Variants in SP110 observed in about 807,000 individuals in gnomAD.
The protein encoded by SP110 is SP110 nuclear body protein.
SP110 carries 62 observed loss-of-function variants against 92.7 expected under a neutral mutation model. The ratio of observed to expected loss-of-function variants is 0.67; its 90% CI spans 0.55 to 0.83. The LOEUF (loss-of-function observed/expected upper bound fraction) is 0.83. SP110 is among the 40% of genes least tolerant of loss of function. SP110 has a pLI of 0.00. For missense variants in SP110, 793 were observed against 863.9 expected, an observed-to-expected ratio of 0.92 and a Z score of 1.03; for synonymous variants, 273 against 305.3, an observed-to-expected ratio of 0.89 and a Z score of 1.10.
chr2:230,200,011 A>G (rs999668675), intron 10 of SP110, among the ~76,000 whole-genome samples: 5 of 152,210 alleles, frequency 3.3e-5, no homozygotes, highest in African/African-American at 7.2e-5. Context: ...AAATTGGAAT[A>G]GGTCATTCAA....
chr2:230,223,427 C>T (rs1435694804), upstream of SP110, among the ~76,000 whole-genome samples: 1 of 152,188 alleles, frequency 6.6e-6, no homozygotes. Flanking sequence ...CCTGCCTGGA[C>T]TGCCTACTTT....
At position 230,207,875 on chromosome 2, in the gene SP110, T is replaced by A. The variant is rs2044043159; in HGVS notation, c.898+116A>T. 4.4e-6 allele frequency: 3 copies of A among 685,364 alleles called. No homozygotes were observed. In the Admixed American group the frequency reaches 7.3e-5, roughly 17 times the overall value. 42.5% of individuals were successfully genotyped at this position (685,364 alleles called of 1,614,324 possible). ...ACATTGTGTCACTTCACTGACTAAA[T>A]CTCTTCAATGGCTTCCCATTGCATT... On this transcript the variant is annotated intron_variant, in intron 8 of 18. Transcript: ENST00000258381.
intron 10 of SP110, among the ~76,000 whole-genome samples, chr2:230,193,013 T>A (rs2042705510): frequency 6.6e-6 from 1 of 152,324 alleles, no homozygotes; most frequent in South Asian, 2.1e-4. Context: ...GTAGTAAATG[T>A]CTTATGAATC....
chr2:230,196,344 C>A (rs1047207274), intron 10 of SP110, among the ~76,000 whole-genome samples: 1 of 151,832 alleles, frequency 6.6e-6, no homozygotes, highest in Non-Finnish European at 1.5e-5. Context: ...GTGAATCATA[C>A]GTAACGTGCC....
At chr2:230,190,755 A>G (rs1047487148) in intron 10 of SP110, among the ~76,000 whole-genome samples, 2 of 152,186 alleles carry the variant, frequency 1.3e-5, no homozygotes, top group African/African-American at 4.8e-5. Context: ...GAAGGGGTCC[A>G]GTTTCAGTTT....
Position 230,171,679 on chromosome 2 carries a change from C to A in SP110, c.1887+17G>T. 2 of 1,599,462 alleles carry A rather than the reference C, an allele frequency of 1.3e-6. No individual in the cohort carries two copies. The highest frequency in any genetic ancestry group is 2.2e-5 in the South Asian group (2 of 90,782). On this transcript the variant is annotated intron_variant, in intron 17 of 18. Coordinates refer to ENST00000258381, the MANE Select transcript of SP110 (RefSeq NM_080424.4). ...CCAAATGCATTTTATGCAAGAGAAC[C>A]GTAAAATGTGACTTACATTAAATGG...
intron 8 of SP110, among the ~76,000 whole-genome samples, chr2:230,204,161 T>C (rs2043494981): frequency 6.6e-6 from 1 of 152,256 alleles, no homozygotes; most frequent in Non-Finnish European, 1.5e-5. Context: ...GACTGGAGTC[T>C]ACTCCTTTCG....
At chr2:230,217,004 G>A in intron 1 of SP110, 76 bp from the exon 2 acceptor site, 5 of 1,275,920 alleles carry the variant, frequency 3.9e-6, no homozygotes, top group Non-Finnish European at 5.5e-6. Flanking sequence ...CCGGCACTTT[G>A]GGAGGCCGAG....
intron 8 of SP110, among the ~76,000 whole-genome samples, chr2:230,206,306 T>C (rs2043793051): frequency 6.6e-6 from 1 of 152,024 alleles, no homozygotes; most frequent in African/African-American, 2.4e-5. Context: ...AGTGATTCTT[T>C]GTGACCAAAC....
chr2:230,172,969 C>G lies in SP110; in HGVS notation c.1591-10G>C, dbSNP rs201856437. On this transcript the variant is annotated splice_polypyrimidine_tract_variant and intron_variant, in intron 14 of 18. Transcript: ENST00000258381. ...CATCCGAGTTTTTCCGCTGCAAGGGCAGATAACGTGGGCACCGCTAGGACC... is the reference window on the plus strand; with the variant it reads ...CATCCGAGTTTTTCCGCTGCAAGGGGAGATAACGTGGGCACCGCTAGGACC... The G allele has an allele frequency of 6.9e-6, 11 of 1,584,388 alleles. No homozygotes were observed. The highest frequency in any genetic ancestry group is 1.7e-4 in the Middle Eastern group (1 of 5,998).
intron 12 of SP110, among the ~76,000 whole-genome samples, chr2:230,178,936 C>A (rs146547844): frequency 3.9e-5 from 6 of 152,280 alleles, no homozygotes; most frequent in African/African-American, 1.4e-4. Flanking sequence ...CCTCCAACCT[C>A]ACTATGGGTG....
At chr2:230,222,695 C>CA (rs34703280), upstream of SP110, among the ~76,000 whole-genome samples, 2,489 of 124,090 alleles carry the variant, frequency 0.02, 49 homozygotes, top group African/African-American at 0.054. Flanking sequence ...GACCCTGTCT[C>CA]AAAAAAAAAA....
intron 13 of SP110, 80 bp from the exon 14 acceptor site, chr2:230,177,760 T>C (rs1239669108): frequency 2.7e-5 from 39 of 1,469,134 alleles, no homozygotes; most frequent in Non-Finnish European, 3.7e-5. Context: ...AATTGTGGCC[T>C]TCTACCTTTC....
intron 10 of SP110, among the ~76,000 whole-genome samples, chr2:230,190,312 G>A (rs968942817): frequency 2.0e-5 from 3 of 151,366 alleles, no homozygotes; most frequent in African/African-American, 7.3e-5. Flanking sequence ...CAGTGATGTT[G>A]AGCGTTTTTC....
chr2:230,214,706 T>C (rs1487651974), intron 3 of SP110, among the ~76,000 whole-genome samples: 2 of 152,156 alleles, frequency 1.3e-5, no homozygotes, highest in African/African-American at 4.8e-5. Context: ...AATTGTATGA[T>C]TTTTTTCCAA....
At chr2:230,194,392 G>A (rs915849809) in intron 10 of SP110, among the ~76,000 whole-genome samples, 1 of 151,894 alleles carries the variant, frequency 6.6e-6, no homozygotes, top group Non-Finnish European at 1.5e-5. Context: ...TTGAGGCCAG[G>A]ATTTCAAGAC....
At chr2:230,205,500 T>C (rs1362411891) in intron 8 of SP110, among the ~76,000 whole-genome samples, 2 of 152,212 alleles carry the variant, frequency 1.3e-5, no homozygotes, top group Non-Finnish European at 2.9e-5. Flanking sequence ...ATCTTGTTTA[T>C]GTGCTTTCTA....
At chr2:230,187,729 C>A (rs1463716028) in intron 10 of SP110, among the ~76,000 whole-genome samples, 1 of 152,100 alleles carries the variant, frequency 6.6e-6, no homozygotes, top group East Asian at 1.9e-4. Flanking sequence ...GTTTTCCCAG[C>A]ACCATTTATT....
upstream of SP110, among the ~76,000 whole-genome samples, chr2:230,224,638 A>T (rs545506489): frequency 6.6e-6 from 1 of 152,304 alleles, no homozygotes; most frequent in African/African-American, 2.4e-5. Context: ...AGAAGTGTGG[A>T]AGGGGTAGAA....
Sources: gnomAD v4.1 joint callset for allele counts (sites outside exome capture counted in the v4.1 genomes callset) on GRCh38, gnomAD v4.1.1 for gene constraint, MANE v1.5 for transcripts, NCBI Gene and HGNC (gene_info 2026-07-23, HGNC 2026-07-21) for gene names.